PINX1: variants seen among roughly 807,000 people sequenced by gnomAD.
PINX1 encodes PIN2/TERF1-interacting telomerase inhibitor 1.
PINX1 carries 34 observed loss-of-function variants against 25.4 expected under a neutral mutation model. That is an observed-to-expected ratio of 1.34 (90% CI 1.02 to 1.78). The LOEUF (loss-of-function observed/expected upper bound fraction) is 1.78. Ranked by LOEUF, PINX1 falls within the 40% of genes most tolerant of loss-of-function variation. The pLI is 0.00. For synonymous variants in PINX1, 197 were observed against 147.7 expected, an observed-to-expected ratio of 1.33 and a Z score of -2.42; for missense variants, 592 against 404.9, an observed-to-expected ratio of 1.46 and a Z score of -3.97.
chr8:10,788,296 T>C (rs938317764), intron 6 of PINX1, among the ~76,000 whole-genome samples: 7 of 152,216 alleles, frequency 4.6e-5, no homozygotes, highest in African/African-American at 1.4e-4. Flanking sequence ...ACACAGTGGC[T>C]CACATCTGTA....
At chr8:10,784,709 C>A (rs994477278) in intron 6 of PINX1, among the ~76,000 whole-genome samples, 4 of 152,162 alleles carry the variant, frequency 2.6e-5, no homozygotes, top group African/African-American at 9.7e-5. Context: ...AATTTAAAAC[C>A]TCCATGTGAT....
chr8:10,787,437 C>G (rs552647599), intron 6 of PINX1: 1 of 170,646 alleles, frequency 5.9e-6, no homozygotes, highest in South Asian at 1.5e-4. Context: ...CTAGGTTGCC[C>G]GGGCTGGTCT....
chr8:10,817,660 C>T (rs974223187), intron 6 of PINX1, among the ~76,000 whole-genome samples: 4 of 152,206 alleles, frequency 2.6e-5, no homozygotes, highest in Non-Finnish European at 4.4e-5. Context: ...CTCAGTGTGG[C>T]ACACAGGTCA....
chr8:10,785,602 T>G (rs560631342), intron 6 of PINX1, among the ~76,000 whole-genome samples: 77 of 152,324 alleles, frequency 5.1e-4, no homozygotes, highest in African/African-American at 1.8e-3. Flanking sequence ...CTGGGACAGT[T>G]TGAACAATAA....
intron 6 of PINX1, among the ~76,000 whole-genome samples, chr8:10,784,298 C>T (rs7015129): frequency 0.36 from 55,069 of 152,060 alleles, 10,643 homozygotes; most frequent in Non-Finnish European, 0.43. Context: ...TTTTAGAAGA[C>T]TTATAAGTGG....
At chr8:10,785,713 T>C (rs1801726528) in intron 6 of PINX1, among the ~76,000 whole-genome samples, 1 of 152,194 alleles carries the variant, frequency 6.6e-6, no homozygotes, top group Admixed American at 6.5e-5. Context: ...AACACTGAAC[T>C]AACTTGTGTG....
chr8:10,789,755 A>C (rs1372485872), intron 6 of PINX1, among the ~76,000 whole-genome samples: 1 of 152,044 alleles, frequency 6.6e-6, no homozygotes, highest in African/African-American at 2.4e-5. Flanking sequence ...TGCTTTTGAG[A>C]CAGACAGGAA....
chr8:10,806,768 G>A (rs186403440), intron 6 of PINX1, among the ~76,000 whole-genome samples: 90 of 152,224 alleles, frequency 5.9e-4, no homozygotes, highest in Middle Eastern at 3.4e-3. Flanking sequence ...AGGATGCAGC[G>A]GAGGGCAGGG....
chr8:10,799,260 T>G (rs77327727), intron 6 of PINX1, among the ~76,000 whole-genome samples: 1,735 of 152,292 alleles, frequency 0.011, 32 homozygotes, highest in African/African-American at 0.04. Context: ...TTAACTATAT[T>G]TGAATACAAT....
At chr8:10,777,350 G>A (rs1334849044) in intron 6 of PINX1, among the ~76,000 whole-genome samples, 7 of 152,214 alleles carry the variant, frequency 4.6e-5, no homozygotes, top group Admixed American at 3.3e-4. Flanking sequence ...CCCAAGCCCC[G>A]TTTGAAGTCC....
chr8:10,811,008 C>A (rs1256353312), intron 6 of PINX1, among the ~76,000 whole-genome samples: 3 of 152,190 alleles, frequency 2.0e-5, no homozygotes, highest in Admixed American at 6.5e-5. Context: ...TATTATTGGC[C>A]ATTTTAAACT....
intron 6 of PINX1, among the ~76,000 whole-genome samples, chr8:10,773,523 G>A (rs1002036003): frequency 3.3e-5 from 5 of 152,160 alleles, no homozygotes; most frequent in Admixed American, 2.0e-4. Flanking sequence ...CAGACACACC[G>A]GACATTGGAG....
At chr8:10,774,081 C>A (rs535951119) in intron 6 of PINX1, among the ~76,000 whole-genome samples, 1 of 152,212 alleles carries the variant, frequency 6.6e-6, no homozygotes, top group Non-Finnish European at 1.5e-5. Context: ...TGATAAACAG[C>A]TGAGACCCAG....
Position 10,776,446 on chromosome 8 carries a change from TAAACAAAC to T in PINX1, c.472-10538_472-10531del, listed in dbSNP as rs34577114. Reference sequence around the variant, plus strand: ...CTCAATAAATAAATAAATAAATAAATAAACAAACAAACAAACAAACAAATAAAAATTGG... The same window carrying T: ...CTCAATAAATAAATAAATAAATAAATAAACAAACAAACAAATAAAAATTGG... On this transcript the variant is annotated intron_variant, in intron 6 of 6. Transcript: ENST00000314787. Among the ~76,000 whole-genome samples the T allele has an allele frequency of 6.7e-3, 1,003 of 150,534 alleles. 5 individuals carry two copies. The highest frequency in any genetic ancestry group is 9.7e-3 in the African/African-American group (393 of 40,560).
intron 6 of PINX1, among the ~76,000 whole-genome samples, chr8:10,791,167 C>G (rs887314532): frequency 6.6e-6 from 1 of 152,206 alleles, no homozygotes; most frequent in Non-Finnish European, 1.5e-5. Context: ...CTGCCTCAGC[C>G]TTCCAAAGTG....
chr8:10,786,140 G>T (rs556062407), intron 6 of PINX1, among the ~76,000 whole-genome samples: 224 of 152,230 alleles, frequency 1.5e-3, no homozygotes, highest in Admixed American at 2.4e-3. Flanking sequence ...AAAATGCCTT[G>T]TTATCTTAAA....
At chr8:10,806,872 T>G (rs1802469116) in intron 6 of PINX1, among the ~76,000 whole-genome samples, 1 of 152,014 alleles carries the variant, frequency 6.6e-6, no homozygotes, top group African/African-American at 2.4e-5. Context: ...CGAGAGGGCT[T>G]CTCTAGAGAA....
intron 2 of PINX1, 25 bp from the exon 3 acceptor site, chr8:10,833,009 T>C: frequency 2.8e-6 from 4 of 1,437,586 alleles, no homozygotes; most frequent in South Asian, 1.2e-5. Context: ...CACAGAGAGT[T>C]AGAACATTCC....
At chr8:10,794,228 C>T (rs967114324) in intron 6 of PINX1, among the ~76,000 whole-genome samples, 2 of 152,110 alleles carry the variant, frequency 1.3e-5, no homozygotes, top group Non-Finnish European at 2.9e-5. Context: ...GGTAATCTAT[C>T]ACGATTAAAA....
Sources: gnomAD v4.1 joint callset for allele counts (sites outside exome capture counted in the v4.1 genomes callset) on GRCh38, gnomAD v4.1.1 for gene constraint, MANE v1.5 for transcripts, NCBI Gene and HGNC (gene_info 2026-07-23, HGNC 2026-07-21) for gene names.